CREB5: variants seen among roughly 807,000 people sequenced by gnomAD.
The protein encoded by CREB5 is cAMP responsive element binding protein 5, also known as cyclic AMP-responsive element-binding protein 5.
In CREB5, 19 loss-of-function variants were observed where a neutral mutation model predicts 57.1. That is an observed-to-expected ratio of 0.33 (90% CI 0.23 to 0.49). The LOEUF (loss-of-function observed/expected upper bound fraction) is 0.49, where lower values mean the gene tolerates loss of function less well. CREB5 is among the 20% of genes least tolerant of loss of function. The pLI, the probability that CREB5 is intolerant of heterozygous loss-of-function variation, is 0.99. For missense variants in CREB5, 579 were observed against 671.6 expected (o/e 0.86, Z 1.52); for synonymous variants, 238 against 238.3 (o/e 1.00, Z 0.01).
At chr7:28,714,452 G>T (rs1286887143) in intron 5 of CREB5, among the ~76,000 whole-genome samples, 3 of 152,178 alleles carry the variant, frequency 2.0e-5, no homozygotes, top group African/African-American at 7.2e-5. Flanking sequence ...ACCTGAGAAA[G>T]GACAGCAGGG....
rs184087272 is a variant in CREB5, at chr7:28,402,569, G to A, written c.-24-92337G>A. Among the ~76,000 whole-genome samples, 831 of 152,236 alleles carry A rather than the reference G, an allele frequency of 5.5e-3. 11 individuals carry two copies. The highest frequency in any genetic ancestry group is 0.019 in the African/African-American group (791 of 41,536). ...GACAAACCTGACAAAAACAAGCAAT[G>A]GGGAAAGGATTCCTTATTTAATAAA... On this transcript the variant is annotated intron_variant, in intron 1 of 9. Transcript: ENST00000396299.
chr7:28,691,499 C>T (rs1479398122), intron 5 of CREB5, among the ~76,000 whole-genome samples: 1 of 151,406 alleles, frequency 6.6e-6, no homozygotes, highest in Admixed American at 6.6e-5. Context: ...GTGAAGTTAC[C>T]ATTTAAACTT....
At chr7:28,508,739 C>T (rs1792582825) in intron 4 of CREB5, among the ~76,000 whole-genome samples, 2 of 152,064 alleles carry the variant, frequency 1.3e-5, no homozygotes, top group African/African-American at 4.8e-5. Context: ...GTGATGCTTA[C>T]AAGAGGGGTA....
chr7:28,646,378 G>A (rs1168131946), intron 5 of CREB5, among the ~76,000 whole-genome samples: 1 of 152,142 alleles, frequency 6.6e-6, no homozygotes, highest in Non-Finnish European at 1.5e-5. Flanking sequence ...AATAGAAAGT[G>A]GAAGAGAGAA....
At chr7:28,513,487 TGACA>T (rs1792805250) in intron 4 of CREB5, 1 of 151,900 alleles carries the variant, frequency 6.6e-6, no homozygotes, top group African/African-American at 2.4e-5. Flanking sequence ...AAACACTCAT[TGACA>T]GTGATATTGG....
In CREB5 at chr7:28,717,656, C is replaced by T. The variant is rs1365575009; in HGVS notation, c.465-1097C>T. On this transcript the variant is annotated intron_variant, in intron 5 of 10. Transcript: ENST00000357727. ...TGCAACCTTTGCCCAGCACTTAGCA[C>T]GAGGGAGCCTCTCCCTCGTTCTCTC... is the stretch of plus-strand genomic sequence containing the variant. Among the ~76,000 whole-genome samples the T allele has an allele frequency of 3.3e-5, 5 of 152,220 alleles. No homozygotes were observed. The South Asian group carries it at 6.2e-4, about 19-fold the overall frequency.
chr7:28,421,386 T>C (rs1788239063), intron 1 of CREB5, among the ~76,000 whole-genome samples: 1 of 152,148 alleles, frequency 6.6e-6, no homozygotes, highest in South Asian at 2.1e-4. Flanking sequence ...AAATGTTTTA[T>C]TTCCATAGGT....
chr7:28,817,391 G>A (rs1260701666), intron 9 of CREB5, among the ~76,000 whole-genome samples: 1 of 152,166 alleles, frequency 6.6e-6, no homozygotes, highest in African/African-American at 2.4e-5. Flanking sequence ...GGGGAGAGCA[G>A]GGATTCATGA....
chr7:28,513,843 T>A (rs903016608), intron 4 of CREB5: 1 of 152,222 alleles, frequency 6.6e-6, no homozygotes, highest in Non-Finnish European at 1.5e-5. Flanking sequence ...ATGAATGTGA[T>A]CTCAGGTTCT....
intron 1 of CREB5, among the ~76,000 whole-genome samples, chr7:28,311,795 C>CTGG (rs1785282007): frequency 6.6e-6 from 1 of 152,200 alleles, no homozygotes; most frequent in Non-Finnish European, 1.5e-5. Flanking sequence ...CTAAACTAAC[C>CTGG]AGTGCATGGA....
chr7:28,415,259 G>T (rs7786157), intron 1 of CREB5, among the ~76,000 whole-genome samples: 7,122 of 152,138 alleles, frequency 0.047, 470 homozygotes, highest in East Asian at 0.23. Context: ...AGGGCTAGGG[G>T]AGGGCCTCGG....
chr7:28,453,710 C>T (rs1789947335), intron 1 of CREB5, among the ~76,000 whole-genome samples: 3 of 152,206 alleles, frequency 2.0e-5, no homozygotes, highest in African/African-American at 7.2e-5. Context: ...CCCCAAGGCC[C>T]TTGAAGCAGG....
At chr7:28,451,225 A>T (rs1789785044) in intron 1 of CREB5, among the ~76,000 whole-genome samples, 1 of 152,042 alleles carries the variant, frequency 6.6e-6, no homozygotes, top group Non-Finnish European at 1.5e-5. Flanking sequence ...ACTCCCCCTT[A>T]ATTTGTGCAT....
At chr7:28,405,225 A>C (rs1439098267) in intron 1 of CREB5, among the ~76,000 whole-genome samples, 1 of 152,226 alleles carries the variant, frequency 6.6e-6, no homozygotes, top group African/African-American at 2.4e-5. Context: ...GACGATAGCT[A>C]GATGTTTAAC....
At chr7:28,652,664 G>A (rs747682491) in intron 5 of CREB5, among the ~76,000 whole-genome samples, 4 of 152,168 alleles carry the variant, frequency 2.6e-5, no homozygotes, top group Non-Finnish European at 5.9e-5. Context: ...GAGATTGCAT[G>A]CAAAATGCCT....
In CREB5 at chr7:28,816,672, T is replaced by A. The variant is rs574848230; in HGVS notation, c.1255-1399T>A. Among the ~76,000 whole-genome samples the A allele has an allele frequency of 7.9e-5, 12 of 152,344 alleles. No individual in the cohort carries two copies. In the South Asian group the frequency reaches 2.5e-3, roughly 32 times the overall value. On this transcript the variant is annotated intron_variant, in intron 9 of 10. Transcript: ENST00000357727. ...ATGGGAGATATTCCTTAAAACAGAT[T>A]TCAATTTTTTTTAGCGCAACTTCTA...
intron 7 of CREB5, among the ~76,000 whole-genome samples, chr7:28,758,325 C>T (rs952763639): frequency 3.3e-5 from 5 of 152,152 alleles, no homozygotes; most frequent in South Asian, 2.1e-4. Context: ...GCGGCTTGGC[C>T]GTGGTTTGGC....
Position 28,332,665 on chromosome 7 carries a change from A to C in CREB5, c.-25+33224A>C, listed in dbSNP as rs989231065. Among the ~76,000 whole-genome samples, 3 of 152,324 alleles carry C rather than the reference A, an allele frequency of 2.0e-5. No homozygotes were observed. The East Asian group carries it at 5.8e-4, about 29-fold the overall frequency. ...TTTTATGTTTAGAAATAAACATTTA[A>C]AAAATGTTAAAATATATAAACCCAC... is the stretch of plus-strand genomic sequence containing the variant. On this transcript the variant is annotated intron_variant, in intron 1 of 9. Coordinates refer to the CREB5 transcript ENST00000396299.
chr7:28,497,414 G>A (rs975596919), intron 3 of CREB5, among the ~76,000 whole-genome samples: 2 of 152,166 alleles, frequency 1.3e-5, no homozygotes, highest in Admixed American at 1.3e-4. Context: ...ATTATTTGGG[G>A]AAAAGTAATT....
Sources: gnomAD v4.1 joint callset for allele counts (sites outside exome capture counted in the v4.1 genomes callset) on GRCh38, gnomAD v4.1.1 for gene constraint, MANE v1.5 for transcripts, NCBI Gene and HGNC (gene_info 2026-07-23, HGNC 2026-07-21) for gene names.